Variants in DPP6 observed in about 807,000 individuals in gnomAD.
DPP6 encodes A-type potassium channel modulatory protein DPP6.
Under a neutral mutation model 122.6 loss-of-function variants are expected in DPP6, and 69 were observed. That is an observed-to-expected ratio of 0.56 (90% confidence interval 0.46 to 0.69). DPP6 has a LOEUF of 0.69. Among genes scored for constraint, DPP6 ranks in the 30% least tolerant of loss-of-function variants. The pLI, the probability that DPP6 is intolerant of heterozygous loss-of-function variation, is 0.00. For missense variants in DPP6, 928 were observed against 1,116.9 expected, an observed-to-expected ratio of 0.83 and a Z score of 2.41; for synonymous variants, 418 against 433.1, an observed-to-expected ratio of 0.97 and a Z score of 0.43.
intron 1 of DPP6, among the ~76,000 whole-genome samples, chr7:154,285,794 T>A (rs1026745855): frequency 1.3e-5 from 2 of 152,208 alleles, no homozygotes; most frequent in Non-Finnish European, 2.9e-5. Context: ...TGTGCATTTA[T>A]TACAATCAGG....
intron 1 of DPP6, among the ~76,000 whole-genome samples, chr7:154,105,551 G>A (rs574851193): frequency 3.5e-4 from 54 of 152,284 alleles, no homozygotes; most frequent in African/African-American, 1.2e-3. Flanking sequence ...TGGTTTAGCT[G>A]TGTGCCCACC....
the DPP6 span, among the ~76,000 whole-genome samples, chr7:153,846,760 T>TCCA: frequency 7.2e-6 from 1 of 137,980 alleles, no homozygotes; most frequent in East Asian, 2.4e-4. Flanking sequence ...TGGCGCAATC[T>TCCA]CCACTTACTG....
intron 6 of DPP6, among the ~76,000 whole-genome samples, chr7:154,658,752 G>A (rs1440244618): frequency 4.6e-5 from 7 of 152,232 alleles, no homozygotes; most frequent in Admixed American, 4.6e-4. Context: ...GAGATGTAAG[G>A]AGAGCAGGAA....
At chr7:153,933,261 ATAT>A (rs2129013864) in intron 1 of DPP6, among the ~76,000 whole-genome samples, 1 of 152,260 alleles carries the variant, frequency 6.6e-6, no homozygotes, top group African/African-American at 2.4e-5. Context: ...TTTGGCTTTA[ATAT>A]TCTGTGATTT....
chr7:154,883,914 ACACACGCT>A (rs1440390045), intron 21 of DPP6: 1 of 123,964 alleles, frequency 8.1e-6, no homozygotes, highest in African/African-American at 3.4e-5. Context: ...ACACATGCTC[ACACACGCT>A]CACACATACA....
chr7:154,312,484 T>A (rs1309632260), intron 1 of DPP6, among the ~76,000 whole-genome samples: 1 of 152,178 alleles, frequency 6.6e-6, no homozygotes, highest in Non-Finnish European at 1.5e-5. Flanking sequence ...AAATTTAACT[T>A]CCCCTGCCAG....
At chr7:154,762,936 T>C (rs1795652448) in intron 8 of DPP6, among the ~76,000 whole-genome samples, 1 of 152,186 alleles carries the variant, frequency 6.6e-6, no homozygotes, top group Non-Finnish European at 1.5e-5. Context: ...ATCACCAAAG[T>C]GTGGAAGTGG....
rs572699789 is a variant in DPP6, at chr7:153,917,778, G to A, written c.51+30044G>A. Among the ~76,000 whole-genome samples, 9 of 152,208 alleles carry A rather than the reference G, an allele frequency of 5.9e-5. No individual in the cohort carries two copies. In the South Asian group the frequency reaches 1.0e-3, roughly 18 times the overall value. Reference sequence around the variant, plus strand: ...AAAGGTATTTTTGTTTTGACATTTCGTATTTCCATTATTTCAAATTGCATC... The same window carrying A: ...AAAGGTATTTTTGTTTTGACATTTCATATTTCCATTATTTCAAATTGCATC... On this transcript the variant is annotated intron_variant, in intron 1 of 25. Coordinates refer to the DPP6 transcript ENST00000404039.
intron 17 of DPP6, among the ~76,000 whole-genome samples, 184 bp downstream of exon 17, chr7:154,854,011 G>A (rs1351770414): frequency 2.6e-5 from 4 of 152,158 alleles, no homozygotes; most frequent in Non-Finnish European, 4.4e-5. Flanking sequence ...GTCAAAGTCC[G>A]CATACCCCTG....
intron 3 of DPP6, among the ~76,000 whole-genome samples, chr7:154,515,431 T>C (rs1284045642): frequency 6.6e-6 from 1 of 152,116 alleles, no homozygotes; most frequent in African/African-American, 2.4e-5. Flanking sequence ...ATTCCTGACA[T>C]TGGGCATTTA....
At chr7:153,789,033 A>G in the DPP6 span, among the ~76,000 whole-genome samples, 56,982 of 151,674 alleles carry the variant, frequency 0.38, 11,027 homozygotes, top group South Asian at 0.48. Context: ...CAGTAAGACC[A>G]AGAAACTGCC....
At chr7:153,757,686 G>T in the DPP6 span, among the ~76,000 whole-genome samples, 1 of 152,200 alleles carries the variant, frequency 6.6e-6, no homozygotes, top group Non-Finnish European at 1.5e-5. Context: ...GGCCGGGCAC[G>T]GTGGTTCACA....
intron 1 of DPP6, among the ~76,000 whole-genome samples, chr7:153,975,971 C>A (rs1796279330): frequency 6.6e-6 from 1 of 152,148 alleles, no homozygotes; most frequent in African/African-American, 2.4e-5. Flanking sequence ...AATTGAAAAG[C>A]TCTTTAACAA....
chr7:154,674,657 T>A (rs1276676072), intron 7 of DPP6, among the ~76,000 whole-genome samples: 1 of 152,222 alleles, frequency 6.6e-6, no homozygotes, highest in Non-Finnish European at 1.5e-5. Context: ...TGAAGAGCTT[T>A]GAATGGGAAA....
intron 1 of DPP6, among the ~76,000 whole-genome samples, chr7:154,185,661 C>A (rs555099347): frequency 6.6e-6 from 1 of 152,228 alleles, no homozygotes; most frequent in South Asian, 2.1e-4. Flanking sequence ...GCAGTGAGCG[C>A]ATCTAATAGA....
At chr7:154,802,390 G>A (rs534462321) in intron 13 of DPP6, among the ~76,000 whole-genome samples, 57 of 151,776 alleles carry the variant, frequency 3.8e-4, no homozygotes, top group African/African-American at 5.1e-4. Context: ...TGGGGGCTGC[G>A]GGACTCCTGG....
chr7:153,816,574 TG>T, the DPP6 span, among the ~76,000 whole-genome samples: 1 of 152,146 alleles, frequency 6.6e-6, no homozygotes, highest in Non-Finnish European at 1.5e-5. Flanking sequence ...TTAAAATGAT[TG>T]AAATAAGAGT....
intron 1 of DPP6, among the ~76,000 whole-genome samples, chr7:154,424,585 C>T (rs1341566432): frequency 1.3e-5 from 2 of 152,186 alleles, no homozygotes; most frequent in Non-Finnish European, 2.9e-5. Flanking sequence ...ATTGAGCCCA[C>T]GTGGATAATT....
At chr7:154,206,980 G>A (rs1415781713) in intron 1 of DPP6, among the ~76,000 whole-genome samples, 4 of 152,230 alleles carry the variant, frequency 2.6e-5, no homozygotes, top group African/African-American at 9.6e-5. Context: ...GAGCAGCAAG[G>A]GGTGGAAAGG....
Sources: gnomAD v4.1 joint callset for allele counts (sites outside exome capture counted in the v4.1 genomes callset) on GRCh38, gnomAD v4.1.1 for gene constraint, MANE v1.5 for transcripts, NCBI Gene and HGNC (gene_info 2026-07-23, HGNC 2026-07-21) for gene names.